Variants in PCLO observed in about 807,000 individuals in gnomAD.
The protein encoded by PCLO is protein piccolo.
Under a neutral mutation model 427.5 loss-of-function variants are expected in PCLO, and 82 were observed. The observed-to-expected ratio is 0.19, with a 90% CI of 0.16 to 0.23. The LOEUF is 0.23. PCLO is among the 10% of genes least tolerant of loss of function. PCLO has a pLI of 1.00. For synonymous variants in PCLO, 2,357 were observed against 2,155.4 expected, an observed-to-expected ratio of 1.09 and a Z score of -2.59; for missense variants, 6,239 against 6,115.9, an observed-to-expected ratio of 1.02 and a Z score of -0.67.
intron 10 of PCLO, among the ~76,000 whole-genome samples, chr7:82,863,252 T>C (rs561576953): frequency 1.3e-5 from 2 of 152,180 alleles, no homozygotes; most frequent in South Asian, 2.1e-4. Flanking sequence ...GTAAAGTTGA[T>C]GCACAATTTC....
At chr7:82,826,977 G>C (rs1791960675) in intron 17 of PCLO, among the ~76,000 whole-genome samples, 2 of 151,826 alleles carry the variant, frequency 1.3e-5, no homozygotes, top group African/African-American at 4.8e-5. Context: ...CTAAATATAA[G>C]AAATTCATAG....
chr7:83,099,648 C>T lies in PCLO; in HGVS notation c.3300+34602G>A, dbSNP rs1033687257. On this transcript the variant is annotated intron_variant, in intron 3 of 24. Transcript: ENST00000333891. The stretch of plus-strand genomic sequence containing the variant: ...TCAGGTGATCCACCGGCCTCGGCCT[C>T]CTGAAGTGCAGGGATTACAGGCGTG... Among the ~76,000 whole-genome samples the T allele has an allele frequency of 5.9e-5, 9 of 152,142 alleles. 1 individual carries two copies. Among genetic ancestry groups the T allele is most frequent in the Non-Finnish European group, 8.8e-5 (6 of 68,002 alleles).
intron 3 of PCLO, among the ~76,000 whole-genome samples, chr7:83,051,060 TTC>T (rs1789242032): frequency 6.6e-6 from 1 of 152,084 alleles, no homozygotes; most frequent in South Asian, 2.1e-4. Context: ...GAGGGGAACT[TTC>T]TCAACTTGAT....
At chr7:82,768,600 A>G (rs17156634) in intron 22 of PCLO, among the ~76,000 whole-genome samples, 9,654 of 152,048 alleles carry the variant, frequency 0.063, 716 homozygotes, top group African/African-American at 0.18. Context: ...ATTTTTTGAT[A>G]AACATGAATA....
chr7:83,144,843 C>G, intron 2 of PCLO, among the ~76,000 whole-genome samples: 1 of 152,080 alleles, frequency 6.6e-6, no homozygotes, highest in East Asian at 1.9e-4. Flanking sequence ...CATAGTAAAG[C>G]CTGCTACTTG....
chr7:83,077,608 T>G (rs1383325162), intron 3 of PCLO, among the ~76,000 whole-genome samples: 1 of 152,126 alleles, frequency 6.6e-6, no homozygotes, highest in Non-Finnish European at 1.5e-5. Flanking sequence ...ACATGCATTA[T>G]TTTAGTAATA....
chr7:82,903,098 G>A (rs1005890871), intron 8 of PCLO, among the ~76,000 whole-genome samples: 5 of 151,946 alleles, frequency 3.3e-5, no homozygotes, highest in Admixed American at 2.0e-4. Context: ...GCCAGCTGTT[G>A]ATTTTGCTCT....
At position 83,088,488 on chromosome 7, in the gene PCLO, T is replaced by C. The variant is rs530373142; in HGVS notation, c.3300+45762A>G. ...ACTTTTAACCCTGTATCTCATCCAC[T>C]TCATTGTTTCTATCGATGTTTCCAG... On this transcript the variant is annotated intron_variant, in intron 3 of 24. Transcript: ENST00000333891. Among the ~76,000 whole-genome samples, 3 of 152,310 alleles carry C rather than the reference T, an allele frequency of 2.0e-5. No individual in the cohort carries two copies. In the South Asian group the frequency reaches 6.2e-4, roughly 32 times the overall value.
chr7:82,843,355 A>G (rs1181116193), intron 13 of PCLO, among the ~76,000 whole-genome samples: 1 of 152,132 alleles, frequency 6.6e-6, no homozygotes, highest in Non-Finnish European at 1.5e-5. Context: ...AACAAAGTTG[A>G]ACTTATAGAA....
chr7:82,795,267 C>T (rs984720626), intron 22 of PCLO, among the ~76,000 whole-genome samples: 2 of 151,956 alleles, frequency 1.3e-5, no homozygotes, highest in Non-Finnish European at 2.9e-5. Context: ...ACTTTAAAAC[C>T]ATATATGGAC....
rs1792480331 is a variant in PCLO, at chr7:83,162,718, A to G, written c.-126T>C. 1 of 1,266,992 alleles carries G rather than the reference A, an allele frequency of 7.9e-7. No homozygotes were observed. Among genetic ancestry groups the G allele is most frequent in the East Asian group, 2.6e-5 (1 of 38,822 alleles). The allele number at this position is 1,266,992 out of a possible 1,614,324, so 78.5% of individuals were successfully genotyped here. On this transcript the variant is annotated 5_prime_UTR_variant, in exon 1 of 25. Transcript: ENST00000333891. ...GGCGTGCAGGCAGCCGAGTCCCTGG[A>G]CTCTGGACCAGGCACTGCCGCCCGG...
At chr7:82,778,209 A>C (rs1790795875) in intron 22 of PCLO, among the ~76,000 whole-genome samples, 1 of 152,208 alleles carries the variant, frequency 6.6e-6, no homozygotes, top group African/African-American at 2.4e-5. Flanking sequence ...TCAAAACCAC[A>C]ATGAGATACC....
chr7:83,113,269 T>C (rs998612819), intron 3 of PCLO, among the ~76,000 whole-genome samples: 2 of 152,240 alleles, frequency 1.3e-5, no homozygotes, highest in African/African-American at 4.8e-5. Context: ...GAAGCCCTAA[T>C]GATCTGGCAC....
intron 4 of PCLO, among the ~76,000 whole-genome samples, chr7:82,958,806 T>A (rs551485238): frequency 1.3e-5 from 2 of 152,294 alleles, no homozygotes; most frequent in East Asian, 3.9e-4. Flanking sequence ...TAATAAATGC[T>A]TTCTGGATGG....
At chr7:83,078,557 A>C (rs552982312) in intron 3 of PCLO, among the ~76,000 whole-genome samples, 1 of 100,624 alleles carries the variant, frequency 9.9e-6, no homozygotes, top group African/African-American at 4.7e-5. Flanking sequence ...ATTGAGACGG[A>C]GTTTCACTCT....
intron 9 of PCLO, among the ~76,000 whole-genome samples, chr7:82,887,238 A>T (rs1014638275): frequency 6.6e-6 from 1 of 152,212 alleles, no homozygotes; most frequent in Non-Finnish European, 1.5e-5. Context: ...CATACAAAAA[A>T]GCTGAGAACT....
chr7:82,861,996 A>C (rs1022427876), intron 10 of PCLO, among the ~76,000 whole-genome samples: 2 of 151,914 alleles, frequency 1.3e-5, no homozygotes, highest in African/African-American at 4.8e-5. Flanking sequence ...TAAGTGTCTA[A>C]ATCAAAAAGA....
At chr7:83,153,161 T>C (rs1225167206) in intron 2 of PCLO, among the ~76,000 whole-genome samples, 1 of 150,246 alleles carries the variant, frequency 6.7e-6, no homozygotes, top group East Asian at 1.9e-4. Flanking sequence ...AAAAGCTACA[T>C]ATATATATGT....
At position 82,965,907 on chromosome 7, in the gene PCLO, T is replaced by A; in HGVS notation, c.3881A>T (p.Lys1294Met). Residue 1294 changes from lysine to methionine, a missense_variant, in exon 4 of 25, where the codon AAG (lysine) becomes ATG (methionine). Lys to Met is a moderately conservative substitution (Grantham distance 95). Around this residue, in one of 5 missense-constraint regions of PCLO, gnomAD observed 4,677 missense variants for 4,468.4 expected, o/e 1.05. Transcript: ENST00000333891. ...TGTGCCAGATGGTAAACCTTCCATCTTGGTCTGTGGTTGTTTCCCTTCTTG... is the reference window on the plus strand; with the variant it reads ...TGTGCCAGATGGTAAACCTTCCATCATGGTCTGTGGTTGTTTCCCTTCTTG... ...TVQEGKQPQT[K>M]MEGLPSGTPQ... The A allele has an allele frequency of 6.2e-7, 1 of 1,613,996 alleles. No individual in the cohort carries two copies. Among genetic ancestry groups the A allele is most frequent in the African/African-American group, 1.3e-5 (1 of 75,060 alleles).
Sources: gnomAD v4.1 joint callset for allele counts (sites outside exome capture counted in the v4.1 genomes callset) on GRCh38, gnomAD v4.1.1 for gene constraint, gnomAD v4.1.1 regional missense constraint, MANE v1.5 for transcripts, NCBI Gene and HGNC (gene_info 2026-07-23, HGNC 2026-07-21) for gene names.